Variants in MATR3 observed in about 807,000 individuals in gnomAD.
MATR3 encodes matrin-3.
In MATR3, 4 loss-of-function variants were observed where a neutral mutation model predicts 85.5. The ratio of observed to expected loss-of-function variants is 0.05; its 90% CI spans 0.02 to 0.11. MATR3 has a LOEUF of 0.11. MATR3 is among the 10% of genes least tolerant of loss of function. The pLI, the probability that MATR3 is intolerant of heterozygous loss-of-function variation, is 1.00. For synonymous variants in MATR3, 336 were observed against 343.1 expected, an observed-to-expected ratio of 0.98 and a Z score of 0.23; for missense variants, 685 against 1,016.1, an observed-to-expected ratio of 0.67 and a Z score of 4.43.
At chr5:139,279,011 T>C in intron 2 of MATR3, 1 of 513,366 alleles carries the variant, frequency 1.9e-6, no homozygotes, top group Non-Finnish European at 3.9e-6. Flanking sequence ...ACAGGTTGTC[T>C]TAGGGACAGC....
At chr5:139,323,284 C>G (rs1308037468) in intron 12 of MATR3, among the ~76,000 whole-genome samples, 2 of 151,306 alleles carry the variant, frequency 1.3e-5, no homozygotes, top group Non-Finnish European at 2.9e-5. Flanking sequence ...TATAGTGTAG[C>G]TTTGAAAAAA....
intron 14 of MATR3, 84 bp downstream of exon 14, chr5:139,326,368 G>A (rs1755851702): frequency 2.3e-6 from 3 of 1,329,766 alleles, no homozygotes; most frequent in Non-Finnish European, 3.2e-6. Flanking sequence ...AATGTGTATA[G>A]TGTTCTCTCT....
chr5:139,314,712 G>T lies in MATR3; in HGVS notation c.950G>T (p.Arg317Leu), dbSNP rs1274400535. Residue 317 changes from arginine (R) to leucine (L), a missense_variant, in exon 3 of 15, where the codon CGT becomes CTT. Arg to Leu is a moderately radical substitution (Grantham distance 102). This residue lies in a region of MATR3 where 223 missense variants were observed against 334.4 expected (regional missense o/e 0.67). Coordinates refer to ENST00000394805, the MANE Select transcript of MATR3 (RefSeq NM_018834.6). ...CATATCAATGGAGCAAGTCACAGTC[G>T]TCGATGCCAGCTTCTTCTTGAAATG... ...SQHINGASHS[R>L]RCQLLLEIYP... 1.2e-6 allele frequency: 2 copies of T among 1,613,632 alleles called. No individual in the cohort carries two copies. The highest frequency in any genetic ancestry group is 1.3e-5 in the African/African-American group (1 of 74,862).
intron 3 of MATR3, among the ~76,000 whole-genome samples, chr5:139,286,123 C>G (rs75249911): frequency 6.6e-6 from 1 of 152,186 alleles, no homozygotes; most frequent in Non-Finnish European, 1.5e-5. Context: ...TTCAAAAACT[C>G]CTTTGTAAGA....
At chr5:139,316,822 A>G (rs1454398829) in intron 5 of MATR3, among the ~76,000 whole-genome samples, 4 of 152,190 alleles carry the variant, frequency 2.6e-5, no homozygotes, top group Non-Finnish European at 1.5e-5. Flanking sequence ...CTGGGATTAC[A>G]GGTTTGAGTC....
upstream of MATR3, among the ~76,000 whole-genome samples, chr5:139,290,721 G>A (rs1334342027): frequency 7.2e-5 from 11 of 152,094 alleles, no homozygotes; most frequent in South Asian, 1.9e-3. Flanking sequence ...AAAGTGCTGG[G>A]ATTACAGGTG....
In MATR3 at chr5:139,330,029, T is replaced by C. The variant is rs1163544426; in HGVS notation, c.*634T>C. 9 of 454,300 alleles carry C rather than the reference T, an allele frequency of 2.0e-5. No individual in the cohort carries two copies. The highest frequency in any genetic ancestry group is 4.0e-5 in the Non-Finnish European group (9 of 226,708). 28.1% of individuals were successfully genotyped at this position (454,300 alleles called of 1,614,324 possible). On this transcript the variant is annotated 3_prime_UTR_variant, in exon 15 of 15. Transcript: ENST00000394805. ...GTTCCTGCTAGATTTCGTATTCTAG[T>C]AGTCAATGTATTTTCAGTGAAATGC...
intron 7 of MATR3, 116 bp from the exon 8 acceptor site, chr5:139,318,792 T>C (rs1244909931): frequency 1.0e-6 from 1 of 959,570 alleles, no homozygotes; most frequent in African/African-American, 1.6e-5. Context: ...TACTTAATGA[T>C]TAAATATATC....
intron 1 of MATR3, chr5:139,294,474 C>T (rs1234213375): frequency 6.7e-6 from 1 of 149,598 alleles, no homozygotes; most frequent in Non-Finnish European, 1.5e-5. Context: ...CCGGCCCACA[C>T]GCGCGCGCGC....
chr5:139,307,537 C>T lies in MATR3; in HGVS notation c.122C>T (p.Ser41Phe). The T allele has an allele frequency of 6.2e-7, 1 of 1,614,072 alleles. No homozygotes were observed. Among genetic ancestry groups the T allele is most frequent in the Non-Finnish European group, 8.5e-7 (1 of 1,180,010 alleles). The part of the protein sequence containing the change: ...AATQSLSMPA[S>F]LGRMNQGTAR... ...ACCCAGTCTTTAAGTATGCCAGCAT[C>T]TCTTGGAAGGATGAACCAGGGTACT... is the stretch of plus-strand genomic sequence containing the variant. Residue 41 changes from serine (S) to phenylalanine (F), a missense_variant, in exon 2 of 15, where the codon TCT becomes TTT. By Grantham distance (155) the Ser-to-Phe change is radical. Transcript: ENST00000394805. This position sits in a 1 kb window ranked among gnomAD's most constrained non-coding sequence, Gnocchi z 4.4.
intron 1 of MATR3, chr5:139,294,154 CG>C (rs1423214879): frequency 8.4e-6 from 8 of 950,852 alleles, no homozygotes; most frequent in Non-Finnish European, 9.7e-6. Flanking sequence ...TGGGCGGGGG[CG>C]GGACGACTAG....
intron 3 of MATR3, among the ~76,000 whole-genome samples, chr5:139,286,559 C>T (rs1753709775): frequency 6.6e-6 from 1 of 151,122 alleles, no homozygotes; most frequent in Admixed American, 6.6e-5. Context: ...AATAATGGTA[C>T]GTTGGCCAGG....
At chr5:139,327,304 G>GTTT (rs1194649334) in intron 14 of MATR3, among the ~76,000 whole-genome samples, 6 of 119,102 alleles carry the variant, frequency 5.0e-5, no homozygotes, top group Non-Finnish European at 7.5e-5. Context: ...TGTCACTTCT[G>GTTT]TTTTTTTTTT....
chr5:139,301,247 T>G (rs1754424645), intron 1 of MATR3, among the ~76,000 whole-genome samples: 1 of 152,172 alleles, frequency 6.6e-6, no homozygotes, highest in Non-Finnish European at 1.5e-5. Flanking sequence ...CCCCCAAAAT[T>G]CAGTATGTAT....
At chr5:139,288,458 T>A (rs1189509595) in intron 3 of MATR3, among the ~76,000 whole-genome samples, 1 of 152,242 alleles carries the variant, frequency 6.6e-6, no homozygotes. Flanking sequence ...CATGTTTCTG[T>A]CTGCCAAAGG....
chr5:139,276,344 G>A (rs1007309665), intron 2 of MATR3: 9 of 395,554 alleles, frequency 2.3e-5, no homozygotes, highest in Admixed American at 1.4e-4. Flanking sequence ...TAAGGCAGGC[G>A]TGTTTTTTGG....
At chr5:139,275,713 G>A (rs1753250715) in intron 1 of MATR3, among the ~76,000 whole-genome samples, 1 of 152,198 alleles carries the variant, frequency 6.6e-6, no homozygotes, top group Non-Finnish European at 1.5e-5. Context: ...GGCTGAGGTA[G>A]GAGAATCACT....
At chr5:139,317,522 A>G (rs1362472300) in intron 6 of MATR3, 74 bp from the exon 7 acceptor site, 4 of 1,394,654 alleles carry the variant, frequency 2.9e-6, no homozygotes, top group Non-Finnish European at 3.0e-6. Flanking sequence ...GATTATAAAA[A>G]GTCCTAATGC....
At chr5:139,313,055 T>C (rs1172292031) in intron 2 of MATR3, 1 of 151,606 alleles carries the variant, frequency 6.6e-6, no homozygotes, top group South Asian at 2.1e-4. Context: ...TAGGAGCTCA[T>C]TTATAAAATA....
Sources: gnomAD v4.1 joint callset for allele counts (sites outside exome capture counted in the v4.1 genomes callset) on GRCh38, gnomAD v4.1.1 for gene constraint, gnomAD v4.1.1 regional missense constraint, Gnocchi (gnomAD v3.1) non-coding constraint, MANE v1.5 for transcripts, NCBI Gene and HGNC (gene_info 2026-07-23, HGNC 2026-07-21) for gene names.